SERPINB10: variants seen among roughly 807,000 people sequenced by gnomAD.
SERPINB10 encodes serpin family B member 10, also known as serpin B10.
In SERPINB10, 35 loss-of-function variants were observed where a neutral mutation model predicts 39.1. The ratio of observed to expected loss-of-function variants is 0.90; its 90% confidence interval spans 0.68 to 1.19. The LOEUF (loss-of-function observed/expected upper bound fraction) is 1.19, where lower values mean the gene tolerates loss of function less well. Among genes scored for constraint, SERPINB10 ranks in the 50% most tolerant of loss-of-function variants. The pLI, the probability that SERPINB10 is intolerant of heterozygous loss-of-function variation, is 0.00. For missense variants in SERPINB10, 546 were observed against 460.5 expected, an observed-to-expected ratio of 1.19 and a Z score of -1.70; for synonymous variants, 190 against 158.1, an observed-to-expected ratio of 1.20 and a Z score of -1.52.
chr18:63,931,203 TA>T (rs2050219684), intron 6 of SERPINB10, among the ~76,000 whole-genome samples: 1 of 152,206 alleles, frequency 6.6e-6, no homozygotes, highest in African/African-American at 2.4e-5. Flanking sequence ...TTGGGGTATT[TA>T]GAGTCTCAAC....
intron 7 of SERPINB10, among the ~76,000 whole-genome samples, chr18:63,933,471 A>T (rs2050238893): frequency 6.6e-6 from 1 of 152,190 alleles, no homozygotes; most frequent in Non-Finnish European, 1.5e-5. Context: ...TGGGGTCATC[A>T]CACACATAGC....
rs749061784 is a variant in SERPINB10 at position 63,915,654 on chromosome 18, T to C, written c.144T>C (p.Gly48=). 7.4e-6 allele frequency: 12 copies of C among 1,611,732 alleles called. No individual in the cohort carries two copies. The highest frequency in any genetic ancestry group is 1.0e-5 in the Non-Finnish European group (12 of 1,178,634). ...CCATAGTGTATTTGGGCGCCAAAGG[T>C]ACCACTGCAGCCCAAATGGCCCAGG... The part of the protein sequence containing the change: ...SLTIVYLGAK[G]TTAAQMAQVL... The change falls in exon 2 of 8, where the codon GGT becomes GGC. Residue 48 remains glycine (G), a synonymous_variant. Coordinates refer to ENST00000238508, the MANE Select transcript of SERPINB10 (RefSeq NM_005024.3).
intron 5 of SERPINB10, among the ~76,000 whole-genome samples, chr18:63,925,939 A>C (rs2050178301): frequency 6.6e-6 from 1 of 152,038 alleles, no homozygotes; most frequent in Admixed American, 6.6e-5. Flanking sequence ...TAGCACCAGT[A>C]ATAGGACATA....
At chr18:63,915,086 C>T (rs2144720948) in intron 1 of SERPINB10, among the ~76,000 whole-genome samples, 1 of 152,098 alleles carries the variant, frequency 6.6e-6, no homozygotes, top group East Asian at 1.9e-4. Flanking sequence ...GTGCAAAATC[C>T]TTAGCTAGGT....
intron 5 of SERPINB10, among the ~76,000 whole-genome samples, chr18:63,923,185 C>T (rs2050158297): frequency 6.6e-6 from 1 of 151,964 alleles, no homozygotes; most frequent in Admixed American, 6.6e-5. Context: ...AGCTGACCCT[C>T]CTCACTCTAT....
At chr18:63,922,219 T>G (rs553334257) in intron 5 of SERPINB10, among the ~76,000 whole-genome samples, 4 of 152,080 alleles carry the variant, frequency 2.6e-5, no homozygotes, top group African/African-American at 9.6e-5. Flanking sequence ...GCTCAGTTCC[T>G]TTTACATTGA....
chr18:63,931,775 A>C (rs1268818497), intron 6 of SERPINB10, among the ~76,000 whole-genome samples: 1 of 152,196 alleles, frequency 6.6e-6, no homozygotes, highest in Non-Finnish European at 1.5e-5. Flanking sequence ...ATTAACTAAA[A>C]TCTATAGTTT....
intron 6 of SERPINB10, 77 bp downstream of exon 6, chr18:63,930,264 T>C: frequency 6.7e-7 from 1 of 1,495,476 alleles, no homozygotes; most frequent in South Asian, 1.2e-5. Flanking sequence ...TCACTCTTCT[T>C]TTAGATTGTA....
intron 4 of SERPINB10, among the ~76,000 whole-genome samples, chr18:63,918,382 T>C (rs1336116093): frequency 6.6e-6 from 1 of 152,020 alleles, no homozygotes; most frequent in Non-Finnish European, 1.5e-5. Context: ...CTGGAGACTG[T>C]CTACTTGAGA....
At chr18:63,914,768 G>A (rs769630668) in intron 1 of SERPINB10, among the ~76,000 whole-genome samples, 2 of 152,004 alleles carry the variant, frequency 1.3e-5, no homozygotes, top group Non-Finnish European at 2.9e-5. Flanking sequence ...GTCATTTTCA[G>A]GCCAGGTACA....
rs756023791 is a variant in SERPINB10, at chr18:63,934,881, G to A, written c.833G>A (p.Ser278Asn). The change falls in exon 8 of 8, where the codon AGT becomes AAT. Residue 278 changes from serine to asparagine, a missense_variant. Coordinates refer to ENST00000238508, the MANE Select transcript of SERPINB10 (RefSeq NM_005024.3). ...TATGAGAAGCTGAATGAGTGGACCA[G>A]TGCAGACATGATGGAGTTGTATGAA... ...ITYEKLNEWT[S>N]ADMMELYEVQ... 6.2e-7 allele frequency: 1 copy of A among 1,614,074 alleles called. No homozygotes were observed. The highest frequency in any genetic ancestry group is 1.3e-5 in the African/African-American group (1 of 75,060).
chr18:63,916,319 A>C (rs1265935156), intron 2 of SERPINB10, among the ~76,000 whole-genome samples: 1 of 150,754 alleles, frequency 6.6e-6, no homozygotes, highest in African/African-American at 2.4e-5. Context: ...TATATGCAAC[A>C]ATATGTATAT....
intron 5 of SERPINB10, among the ~76,000 whole-genome samples, chr18:63,929,712 C>CAAAAAAAAAAAAAA (rs74169990): frequency 1.5e-4 from 15 of 97,334 alleles, no homozygotes; most frequent in South Asian, 3.8e-4. Flanking sequence ...AGCTAAAGTG[C>CAAAAAAAAAAAAAA]AAAAAAAAAA....
At chr18:63,917,672 A>G in intron 3 of SERPINB10, 151 bp downstream of exon 3, 1 of 571,242 alleles carries the variant, frequency 1.8e-6, no homozygotes, top group Non-Finnish European at 3.1e-6. Flanking sequence ...AATACAAAAT[A>G]TCTACACCTT....
rs765566181 is a variant in SERPINB10 at position 63,915,632 on chromosome 18, T to C, written c.122T>C (p.Ile41Thr). 7 of 1,612,596 alleles carry C rather than the reference T, an allele frequency of 4.3e-6. No homozygotes were observed. Among genetic ancestry groups the C allele is most frequent in the Admixed American group, 1.7e-5 (1 of 59,840 alleles). The change falls in exon 2 of 8, where the codon ATA (isoleucine) becomes ACA (threonine). Residue 41 changes from isoleucine (I) to threonine (T), a missense_variant. Coordinates refer to ENST00000238508, the MANE Select transcript of SERPINB10 (RefSeq NM_005024.3). ...TGGAGCATCTCAACTTCCTTGACCA[T>C]AGTGTATTTGGGCGCCAAAGGTACC... ...SSWSISTSLT[I>T]VYLGAKGTTA...
intron 5 of SERPINB10, among the ~76,000 whole-genome samples, chr18:63,926,717 A>G (rs57220981): frequency 0.046 from 6,994 of 152,102 alleles, 333 homozygotes; most frequent in East Asian, 0.22. Flanking sequence ...ACTAAATGCA[A>G]TGCAAGGTCT....
At chr18:63,912,975 T>C (rs12327162) in intron 1 of SERPINB10, among the ~76,000 whole-genome samples, 56,474 of 151,744 alleles carry the variant, frequency 0.37, 14,014 homozygotes, top group African/African-American at 0.7. Flanking sequence ...GATCTGTTCA[T>C]GGTCTCAATA....
chr18:63,918,157 C>A, intron 4 of SERPINB10, 55 bp downstream of exon 4: 3 of 1,567,668 alleles, frequency 1.9e-6, no homozygotes, highest in Non-Finnish European at 8.8e-7. Context: ...AATGTGAGAC[C>A]AATCAGTAAA....
intron 1 of SERPINB10, among the ~76,000 whole-genome samples, chr18:63,913,508 G>A (rs1177773805): frequency 6.6e-6 from 1 of 151,830 alleles, no homozygotes; most frequent in Non-Finnish European, 1.5e-5. Context: ...GTTGATTTCT[G>A]CGGTAATTTC....
Sources: allele counts gnomAD v4.1 joint callset (sites outside exome capture counted in the v4.1 genomes callset), GRCh38; gene constraint gnomAD v4.1.1; transcripts MANE v1.5; gene names NCBI Gene and HGNC (gene_info 2026-07-23, HGNC 2026-07-21).